ZMYM2: variants seen among roughly 807,000 people sequenced by gnomAD.
The protein encoded by ZMYM2 is zinc finger MYM-type protein 2.
In ZMYM2, 56 loss-of-function variants were observed where a neutral mutation model predicts 162.8. The observed-to-expected ratio is 0.34, with a 90% CI of 0.28 to 0.43. The LOEUF (loss-of-function observed/expected upper bound fraction) is 0.43, where lower values mean the gene tolerates loss of function less well. ZMYM2 is among the 20% of genes least tolerant of loss of function. The pLI, the probability that ZMYM2 is intolerant of heterozygous loss-of-function variation, is 1.00. For synonymous variants in ZMYM2, 510 were observed against 541.6 expected (o/e 0.94, Z 0.81); for missense variants, 1,275 against 1,621.8 (o/e 0.79, Z 3.67).
rs71763618 is a variant in ZMYM2 at position 19,979,428 on chromosome 13, C to CTTTT, written c.-10-13620_-10-13617dup. On this transcript the variant is annotated intron_variant, in intron 2 of 24. Transcript: ENST00000610343. Reference sequence around the variant, plus strand: ...AGCTGTTCACGTGACTTTTTCTGCACTTTTTTTTTTTTTTTTTTGCCCAGT... The same window carrying CTTTT: ...AGCTGTTCACGTGACTTTTTCTGCACTTTTTTTTTTTTTTTTTTTTTTGCCCAGT... 1.2e-4 allele frequency among the ~76,000 whole-genome samples: 13 copies of CTTTT among 110,846 alleles called. No homozygotes were observed. The South Asian group carries it at 1.7e-3, about 15-fold the overall frequency. The allele number at this position is 110,846 out of a possible 152,430, so 72.7% of individuals were successfully genotyped here. A position where few individuals can be genotyped will look rare whatever the true frequency, so the allele number is the denominator to read the frequency against.
intron 12 of ZMYM2, among the ~76,000 whole-genome samples, chr13:20,039,143 G>A (rs1310084134): frequency 6.6e-6 from 1 of 152,194 alleles, no homozygotes; most frequent in African/African-American, 2.4e-5. Context: ...CTTTGCTGAA[G>A]TGGTTTATCA....
the ZMYM2 span, among the ~76,000 whole-genome samples, chr13:19,920,283 AT>A: frequency 2.0e-5 from 3 of 151,504 alleles, no homozygotes; most frequent in East Asian, 1.9e-4. Flanking sequence ...CAAAAAAAAC[AT>A]TTTTTTTTAA....
chr13:19,918,624 G>C, the ZMYM2 span, among the ~76,000 whole-genome samples: 1 of 148,380 alleles, frequency 6.7e-6, no homozygotes, highest in Non-Finnish European at 1.5e-5. Context: ...CCAGCCTCCT[G>C]AGTAGCTGGG....
At chr13:19,984,117 T>C (rs1436545307) in intron 2 of ZMYM2, among the ~76,000 whole-genome samples, 2 of 152,230 alleles carry the variant, frequency 1.3e-5, no homozygotes, top group African/African-American at 4.8e-5. Flanking sequence ...ATGAATACTT[T>C]TGTTGAAGCA....
At chr13:19,903,709 A>G in the ZMYM2 span, among the ~76,000 whole-genome samples, 1 of 151,570 alleles carries the variant, frequency 6.6e-6, no homozygotes, top group African/African-American at 2.4e-5. Flanking sequence ...TTAGCCAGGC[A>G]TGATGGCTTG....
intron 21 of ZMYM2, among the ~76,000 whole-genome samples, chr13:20,079,316 C>CAAAAAAA (rs1158594782): frequency 0.019 from 450 of 23,150 alleles, 51 homozygotes; most frequent in Middle Eastern, 0.045. Context: ...GACTCTGTCT[C>CAAAAAAA]AAAAAAAAAA....
rs1321441084 is a variant in ZMYM2, at chr13:20,081,965, T to TTA, written c.3454-50_3454-49dup. The TTA allele has an allele frequency of 4.3e-6, 5 of 1,168,900 alleles. No homozygotes were observed. In the East Asian group the frequency reaches 7.7e-5, roughly 18 times the overall value. The allele number at this position is 1,168,900 out of a possible 1,614,324, so 72.4% of individuals were successfully genotyped here. A position where few individuals can be genotyped will look rare whatever the true frequency, so the allele number is the denominator to read the frequency against. On this transcript the variant is annotated intron_variant, in intron 21 of 24. Coordinates refer to ENST00000610343, the MANE Select transcript of ZMYM2 (RefSeq NM_197968.4). ...ACGGAGTGTAATATGTTTACTATAA[T>TTA]TAGCTGATTTTCTTTCAAGAAAGTT...
At chr13:19,957,418 G>A (rs1954609614), upstream of ZMYM2, among the ~76,000 whole-genome samples, 1 of 152,238 alleles carries the variant, frequency 6.6e-6, no homozygotes, top group Non-Finnish European at 1.5e-5. Context: ...CCGCCAGGGC[G>A]AGACGAAAGC....
chr13:20,045,618 T>A (rs1346055489), intron 12 of ZMYM2, among the ~76,000 whole-genome samples: 1 of 152,214 alleles, frequency 6.6e-6, no homozygotes, highest in Non-Finnish European at 1.5e-5. Flanking sequence ...ACCCATTGTT[T>A]AGGAGGTTTT....
the ZMYM2 span, among the ~76,000 whole-genome samples, chr13:19,901,502 CTTT>C: frequency 6.8e-6 from 1 of 146,178 alleles, no homozygotes; most frequent in Admixed American, 6.9e-5. Flanking sequence ...ACTAACTTTT[CTTT>C]TTTTTTTTTG....
At chr13:20,058,478 TGTG>T in intron 14 of ZMYM2, 94 bp from the exon 15 acceptor site, 1 of 1,420,000 alleles carries the variant, frequency 7.0e-7, no homozygotes. Flanking sequence ...TCTGCTTTTG[TGTG>T]TTCCCTTCTT....
the ZMYM2 span, among the ~76,000 whole-genome samples, chr13:19,936,654 G>A: frequency 6.6e-6 from 1 of 152,092 alleles, no homozygotes; most frequent in South Asian, 2.1e-4. Context: ...CCCAGGAGGC[G>A]GAGGTTGCAG....
At chr13:19,882,164 A>T in the ZMYM2 span, among the ~76,000 whole-genome samples, 3 of 152,168 alleles carry the variant, frequency 2.0e-5, no homozygotes, top group Non-Finnish European at 4.4e-5. Context: ...CCGAGCAGTG[A>T]AATAATAAAT....
chr13:19,949,898 AG>A, the ZMYM2 span, among the ~76,000 whole-genome samples: 1 of 139,530 alleles, frequency 7.2e-6, no homozygotes, highest in Admixed American at 7.6e-5. Flanking sequence ...AAAAAAAAAA[AG>A]AAAAGAAAAG....
Position 20,086,135 on chromosome 13 carries a change from C to T in ZMYM2, c.*121C>T. On this transcript the variant is annotated 3_prime_UTR_variant, in exon 25 of 25. Coordinates refer to ENST00000610343, the MANE Select transcript of ZMYM2 (RefSeq NM_197968.4). ...GTTTTGAGTTTTGTAGCAGTGTACC[C>T]ACGCTGGGTATTACCATGTAAATAA... 1 of 937,652 alleles carries T rather than the reference C, an allele frequency of 1.1e-6. No homozygotes were observed. The highest frequency in any genetic ancestry group is 1.9e-5 in the South Asian group (1 of 52,820). 58.1% of individuals were successfully genotyped at this position (937,652 alleles called of 1,614,324 possible).
chr13:19,869,009 C>T, the ZMYM2 span, among the ~76,000 whole-genome samples: 4 of 152,178 alleles, frequency 2.6e-5, no homozygotes, highest in Non-Finnish European at 4.4e-5. Context: ...CCTCAGCCTC[C>T]CTAAGTGCTG....
the ZMYM2 span, among the ~76,000 whole-genome samples, chr13:19,883,533 T>C: frequency 8.1e-6 from 1 of 123,934 alleles, no homozygotes; most frequent in Non-Finnish European, 1.7e-5. Context: ...GAGATGATTA[T>C]TTAATTGCCC....
rs989355916 is a variant in ZMYM2 at position 19,982,991 on chromosome 13, C to T, written c.-10-10072C>T. On this transcript the variant is annotated intron_variant, in intron 2 of 24. Coordinates refer to ENST00000610343, the MANE Select transcript of ZMYM2 (RefSeq NM_197968.4). ...TTGGATGGAAGCAAAATTTTATGGCCGTTCAGTTGACTGATTTCTACATAT... is the reference window on the plus strand; with the variant it reads ...TTGGATGGAAGCAAAATTTTATGGCTGTTCAGTTGACTGATTTCTACATAT... Among the ~76,000 whole-genome samples, 6 of 152,110 alleles carry T rather than the reference C, an allele frequency of 3.9e-5. No homozygotes were observed. In the East Asian group the frequency reaches 5.8e-4, roughly 15 times the overall value.
intron 7 of ZMYM2, among the ~76,000 whole-genome samples, chr13:20,020,352 A>C (rs1280922708): frequency 1.3e-5 from 2 of 150,888 alleles, no homozygotes; most frequent in Non-Finnish European, 2.9e-5. Context: ...CTCCTGCCTC[A>C]GCCTCCCAAG....
Sources: gnomAD v4.1 joint callset for allele counts (sites outside exome capture counted in the v4.1 genomes callset) on GRCh38, gnomAD v4.1.1 for gene constraint, MANE v1.5 for transcripts, NCBI Gene and HGNC (gene_info 2026-07-23, HGNC 2026-07-21) for gene names.